The following MYOM2 variants were observed in gnomAD, a reference collection of about 807,000 sequenced individuals.
MYOM2 encodes myomesin 2.
A neutral mutation model predicts 187.6 loss-of-function variants in MYOM2; 254 were observed. That is an observed-to-expected ratio of 1.35 (90% CI 1.22 to 1.50). The LOEUF is 1.50. MYOM2 is among the 40% of genes most tolerant of loss of function. MYOM2 has a pLI of 0.00. For synonymous variants in MYOM2, 981 were observed against 753.8 expected, an observed-to-expected ratio of 1.30 and a Z score of -4.94; for missense variants, 2,796 against 1,924.0, an observed-to-expected ratio of 1.45 and a Z score of -8.48.
At chr8:2,117,587 TATGAG>T (rs1016491496) in intron 27 of MYOM2, among the ~76,000 whole-genome samples, 2 of 152,282 alleles carry the variant, frequency 1.3e-5, no homozygotes, top group African/African-American at 4.8e-5. Context: ...GAGCAATAGA[TATGAG>T]ATGTCAGTAA....
chr8:2,116,828 G>T (rs988590683), intron 27 of MYOM2, among the ~76,000 whole-genome samples: 5 of 152,112 alleles, frequency 3.3e-5, no homozygotes, highest in African/African-American at 1.2e-4. Flanking sequence ...TGCCATCTTG[G>T]CTCACTGCAA....
In MYOM2 at chr8:2,100,121, C is replaced by T. The variant is rs1214896917; in HGVS notation, c.2441-755C>T. ...CCTTCCTTCCTTCTTTCTTTCCTTC[C>T]TTCCTTCTTTCCTTCCTTCCTTCCT... On this transcript the variant is annotated intron_variant, in intron 19 of 36. Coordinates refer to ENST00000262113, the MANE Select transcript of MYOM2 (RefSeq NM_003970.4). 2.9e-3 allele frequency among the ~76,000 whole-genome samples: 220 copies of T among 76,876 alleles called. 2 individuals carry two copies. Among genetic ancestry groups the T allele is most frequent in the African/African-American group, 8.6e-3 (185 of 21,566 alleles). 50.4% of individuals were successfully genotyped at this position (76,876 alleles called of 152,430 possible).
chr8:2,054,856 C>G (rs1225641853), intron 3 of MYOM2, among the ~76,000 whole-genome samples: 1 of 152,166 alleles, frequency 6.6e-6, no homozygotes, highest in Middle Eastern at 3.2e-3. Context: ...ACACATATTC[C>G]TAGAACTCCT....
intron 1 of MYOM2, among the ~76,000 whole-genome samples, chr8:2,046,779 A>G (rs1022085927): frequency 1.5e-5 from 2 of 131,566 alleles, no homozygotes; most frequent in Non-Finnish European, 3.2e-5. Context: ...TGGTGTGTGT[A>G]GGGGGTATTT....
chr8:2,092,762 G>GT (rs11402605), intron 16 of MYOM2, among the ~76,000 whole-genome samples: 5 of 151,998 alleles, frequency 3.3e-5, no homozygotes, highest in African/African-American at 4.8e-5. Flanking sequence ...TCCAGAACCT[G>GT]TTTTTTTTTC....
rs180887068 is a variant in MYOM2 at position 2,143,266 on chromosome 8, T to C, written c.4025-135T>C. 6.2e-5 allele frequency: 61 copies of C among 991,612 alleles called. 1 individual carries two copies. The African/African-American group carries it at 9.0e-4, about 15-fold the overall frequency. 61.4% of individuals were successfully genotyped at this position (991,612 alleles called of 1,614,324 possible). A position where few individuals can be genotyped will look rare whatever the true frequency, so the allele number is the denominator to read the frequency against. On this transcript the variant is annotated intron_variant, in intron 35 of 36. Transcript: ENST00000262113. ...TCAACTGTAAACATATAAACCTTTT[T>C]CTTTGATGCTCGCTCTCTCCTGAGC...
chr8:2,060,882 G>A (rs1238583577), intron 6 of MYOM2, among the ~76,000 whole-genome samples: 1 of 152,138 alleles, frequency 6.6e-6, no homozygotes, highest in Non-Finnish European at 1.5e-5. Flanking sequence ...GAGAAACCGG[G>A]CTCAGCTCTG....
At chr8:2,091,969 A>G (rs1312875728) in intron 15 of MYOM2, among the ~76,000 whole-genome samples, 1 of 152,198 alleles carries the variant, frequency 6.6e-6, no homozygotes, top group Non-Finnish European at 1.5e-5. Flanking sequence ...GATCTGATAA[A>G]ATTGAGTCTT....
chr8:2,100,501 T>G, intron 19 of MYOM2: 1 of 237,630 alleles, frequency 4.2e-6, no homozygotes, highest in Non-Finnish European at 8.4e-6. Flanking sequence ...TCCGGCCAGG[T>G]AGGCAGGCTC....
In MYOM2 at chr8:2,129,394, G is replaced by T. The variant is rs559494294; in HGVS notation, c.3800+162G>T. On this transcript the variant is annotated intron_variant, in intron 32 of 36. Coordinates refer to ENST00000262113, the MANE Select transcript of MYOM2 (RefSeq NM_003970.4). ...GACAACCTTTAGCTCAGGGAAGGGG[G>T]CCCTCACGGCAGTGGGGAGGACGTG... is the stretch of plus-strand genomic sequence containing the variant. Among the ~76,000 whole-genome samples the T allele has an allele frequency of 2.0e-5, 3 of 152,292 alleles. 1 individual carries two copies. The highest frequency in any genetic ancestry group is 2.1e-4 in the South Asian group (1 of 4,824).
chr8:2,136,821 A>G (rs1260572690), intron 32 of MYOM2, among the ~76,000 whole-genome samples: 2 of 152,248 alleles, frequency 1.3e-5, no homozygotes, highest in Non-Finnish European at 2.9e-5. Flanking sequence ...TGTGAGTAGA[A>G]TGGATCACCA....
At chr8:2,108,400 A>C (rs1796962439) in intron 23 of MYOM2, among the ~76,000 whole-genome samples, 1 of 152,134 alleles carries the variant, frequency 6.6e-6, no homozygotes, top group Non-Finnish European at 1.5e-5. Flanking sequence ...GGAAAGTCAC[A>C]GGCCAGAAGC....
At chr8:2,109,111 C>A (rs554995731) in intron 24 of MYOM2, among the ~76,000 whole-genome samples, 2 of 152,298 alleles carry the variant, frequency 1.3e-5, no homozygotes, top group South Asian at 4.1e-4. Context: ...CAAGTGAAAT[C>A]TTCTGTTATT....
chr8:2,063,006 C>G (rs1258799560), intron 6 of MYOM2, among the ~76,000 whole-genome samples: 2 of 152,152 alleles, frequency 1.3e-5, no homozygotes, highest in African/African-American at 4.8e-5. Flanking sequence ...TCAATGATCC[C>G]CTAATATAGG....
rs746271153 is a variant in MYOM2 at position 2,094,063 on chromosome 8, A to G, written c.2097A>G (p.Ser699=). 2.4e-5 allele frequency: 38 copies of G among 1,614,086 alleles called. No individual in the cohort carries two copies. The highest frequency in any genetic ancestry group is 3.1e-5 in the Non-Finnish European group (37 of 1,180,048). The change falls in exon 17 of 37, where the codon TCA becomes TCG. Residue 699 remains serine, a synonymous_variant. Transcript: ENST00000262113. ...AVGMSENSQE[S]DVIKVQAALT... Reference sequence around the variant, plus strand: ...GGATGAGTGAAAATTCCCAGGAATCAGACGTCATAAAAGTGCAGGCCGCAC... The same window carrying G: ...GGATGAGTGAAAATTCCCAGGAATCGGACGTCATAAAAGTGCAGGCCGCAC...
intron 3 of MYOM2, 115 bp from the exon 4 acceptor site, chr8:2,057,233 T>G (rs1818695132): frequency 8.1e-7 from 1 of 1,235,354 alleles, no homozygotes; most frequent in South Asian, 1.7e-5. Flanking sequence ...GTTCTCTTCT[T>G]GAACGCACTT....
chr8:2,055,537 G>A (rs115968079), intron 3 of MYOM2, among the ~76,000 whole-genome samples: 70 of 151,962 alleles, frequency 4.6e-4, no homozygotes, highest in Non-Finnish European at 4.3e-4. Flanking sequence ...GAGGTGCGAG[G>A]TGAGGTCCCC....
chr8:2,072,721 GAGC>G (rs1300032023), intron 9 of MYOM2, among the ~76,000 whole-genome samples: 2 of 152,230 alleles, frequency 1.3e-5, no homozygotes, highest in Non-Finnish European at 2.9e-5. Flanking sequence ...CCCGAACCTA[GAGC>G]AGCCACTTAG....
rs1796338775 is a variant in MYOM2 at position 2,092,445 on chromosome 8, GCTA to G, written c.1933_1935del (p.Tyr645del). ...CCTAAGCATGAGGAGGACCTGCTGG[GCTA>G]CTACGTGGACTGCTGTGTGGCCGGA... On this transcript the variant is annotated inframe_deletion, in exon 16 of 37. Transcript: ENST00000262113. 6.2e-7 allele frequency: 1 copy of G among 1,614,052 alleles called. No homozygotes were observed. Among genetic ancestry groups the G allele is most frequent in the Non-Finnish European group, 8.5e-7 (1 of 1,180,020 alleles).
Sources: allele counts gnomAD v4.1 joint callset (sites outside exome capture counted in the v4.1 genomes callset), GRCh38; gene constraint gnomAD v4.1.1; transcripts MANE v1.5; gene names NCBI Gene and HGNC (gene_info 2026-07-23, HGNC 2026-07-21).